CORO2B: variants seen among roughly 807,000 people sequenced by gnomAD.
CORO2B encodes coronin-2B.
CORO2B carries 26 observed loss-of-function variants against 58.8 expected under a neutral mutation model. The ratio of observed to expected loss-of-function variants is 0.44; its 90% confidence interval spans 0.32 to 0.61. The LOEUF is 0.61. Among genes scored for constraint, CORO2B ranks in the 20% least tolerant of loss-of-function variants. CORO2B has a pLI of 0.04. For missense variants in CORO2B, 460 were observed against 645.1 expected, an observed-to-expected ratio of 0.71 and a Z score of 3.11; for synonymous variants, 242 against 253.8, an observed-to-expected ratio of 0.95 and a Z score of 0.44.
intron 2 of CORO2B, among the ~76,000 whole-genome samples, chr15:68,686,912 A>AG (rs1234723209): frequency 6.6e-6 from 1 of 151,976 alleles, no homozygotes; most frequent in African/African-American, 2.4e-5. Flanking sequence ...AAAAAAAAAA[A>AG]GAAAATAAAA....
the CORO2B span, among the ~76,000 whole-genome samples, chr15:68,561,476 T>G: frequency 1.0e-4 from 15 of 150,574 alleles, no homozygotes; most frequent in Non-Finnish European, 1.6e-4. Flanking sequence ...TCCAGCTAAC[T>G]GGGGCCCAGC....
intron 2 of CORO2B, among the ~76,000 whole-genome samples, chr15:68,650,737 A>G (rs1253162317): frequency 2.6e-5 from 4 of 152,202 alleles, no homozygotes; most frequent in East Asian, 3.8e-4. Context: ...CCTTAGCTAT[A>G]TGATCTAAAT....
chr15:68,711,837 A>C, intron 5 of CORO2B, 131 bp downstream of exon 5: 1 of 1,069,042 alleles, frequency 9.4e-7, no homozygotes. Flanking sequence ...TCTGTTGAAC[A>C]ACCTTTCTCT....
chr15:68,570,939 A>G, the CORO2B span, among the ~76,000 whole-genome samples: 1 of 150,790 alleles, frequency 6.6e-6, no homozygotes, highest in Non-Finnish European at 1.5e-5. Context: ...GTGCCCAGCT[A>G]TGTTATTATT....
chr15:68,570,689 A>T, the CORO2B span, among the ~76,000 whole-genome samples: 2 of 152,068 alleles, frequency 1.3e-5, no homozygotes, highest in Admixed American at 1.3e-4. Flanking sequence ...ACTGAGGGGA[A>T]TAGTCAGTGT....
intron 1 of CORO2B, among the ~76,000 whole-genome samples, chr15:68,624,965 G>A (rs1900634757): frequency 6.6e-6 from 1 of 152,220 alleles, no homozygotes; most frequent in Non-Finnish European, 1.5e-5. Flanking sequence ...ACAGGCATGA[G>A]CCACTGCACC....
chr15:68,561,796 G>C, the CORO2B span, among the ~76,000 whole-genome samples: 3 of 152,064 alleles, frequency 2.0e-5, no homozygotes, highest in Admixed American at 6.5e-5. Flanking sequence ...GTTTCCGTGG[G>C]TCTGAGAGTA....
intron 3 of CORO2B, among the ~76,000 whole-genome samples, chr15:68,697,198 A>T (rs576235754): frequency 1.3e-3 from 198 of 151,760 alleles, no homozygotes; most frequent in Non-Finnish European, 2.6e-3. Flanking sequence ...TGTTGGATGG[A>T]TGGATGGATG....
intron 2 of CORO2B, among the ~76,000 whole-genome samples, chr15:68,665,598 A>G (rs543995230): frequency 1.3e-5 from 2 of 151,924 alleles, no homozygotes; most frequent in East Asian, 3.9e-4. Context: ...ATCCATGATC[A>G]TAGTTTACTT....
intron 3 of CORO2B, among the ~76,000 whole-genome samples, chr15:68,703,288 T>A (rs1440667610): frequency 6.7e-6 from 1 of 149,536 alleles, no homozygotes; most frequent in Non-Finnish European, 1.5e-5. Flanking sequence ...GTAGCTGGGA[T>A]TACAGGCACG....
At chr15:68,570,684 G>A in the CORO2B span, among the ~76,000 whole-genome samples, 173 of 152,322 alleles carry the variant, frequency 1.1e-3, no homozygotes, top group African/African-American at 3.4e-3. Flanking sequence ...GTTACACTGA[G>A]GGGAATAGTC....
At chr15:68,661,592 C>T (rs552290302) in intron 2 of CORO2B, among the ~76,000 whole-genome samples, 36 of 152,286 alleles carry the variant, frequency 2.4e-4, no homozygotes, top group African/African-American at 8.7e-4. Flanking sequence ...TACATTTGCA[C>T]AAAACAGTAG....
At chr15:68,655,152 G>A (rs1310679759) in intron 2 of CORO2B, among the ~76,000 whole-genome samples, 2 of 152,164 alleles carry the variant, frequency 1.3e-5, no homozygotes, top group Non-Finnish European at 2.9e-5. Flanking sequence ...ATGAGGGAAG[G>A]CATGTAAAGG....
At chr15:68,631,667 A>G (rs1251232031) in intron 1 of CORO2B, among the ~76,000 whole-genome samples, 2 of 152,298 alleles carry the variant, frequency 1.3e-5, no homozygotes. Context: ...AAGAGAACCA[A>G]CCAACCCTGA....
chr15:68,683,514 AC>A (rs1464520121), intron 2 of CORO2B, among the ~76,000 whole-genome samples: 1 of 152,180 alleles, frequency 6.6e-6, no homozygotes, highest in African/African-American at 2.4e-5. Flanking sequence ...CTGTCATGTA[AC>A]TTTTTTTTGC....
Position 68,696,286 on chromosome 15 carries a change from T to C in CORO2B, c.333+1030T>C, listed in dbSNP as rs146117826. Reference sequence around the variant, plus strand: ...AAAAGAGTTCGAGCATGGTGGCACATGCCTGTAATCCCAGCACTTCGGGAG... The same window carrying C: ...AAAAGAGTTCGAGCATGGTGGCACACGCCTGTAATCCCAGCACTTCGGGAG... On this transcript the variant is annotated intron_variant, in intron 3 of 11. Coordinates refer to ENST00000261861, the MANE Select transcript of CORO2B (RefSeq NM_006091.5). 8.9e-3 allele frequency among the ~76,000 whole-genome samples: 1,323 copies of C among 149,438 alleles called. 21 individuals carry two copies. The highest frequency in any genetic ancestry group is 0.031 in the African/African-American group (1,261 of 40,616).
chr15:68,668,350 C>T (rs1902265490), intron 2 of CORO2B, among the ~76,000 whole-genome samples: 1 of 152,086 alleles, frequency 6.6e-6, no homozygotes, highest in Non-Finnish European at 1.5e-5. Context: ...TCCCTGTTCT[C>T]AGGAGTTGTG....
chr15:68,659,260 T>A (rs1404353954), intron 2 of CORO2B, among the ~76,000 whole-genome samples: 2 of 152,220 alleles, frequency 1.3e-5, no homozygotes, highest in African/African-American at 4.8e-5. Context: ...CGCTGACCCC[T>A]GCACCATTGA....
chr15:68,656,599 C>G (rs187261961), intron 2 of CORO2B, among the ~76,000 whole-genome samples: 43 of 152,250 alleles, frequency 2.8e-4, no homozygotes, highest in African/African-American at 7.9e-4. Context: ...CTCCTTCCCC[C>G]ACCAAGAGAA....
Sources: allele counts gnomAD v4.1 joint callset (sites outside exome capture counted in the v4.1 genomes callset), GRCh38; gene constraint gnomAD v4.1.1; transcripts MANE v1.5; gene names NCBI Gene and HGNC (gene_info 2026-07-23, HGNC 2026-07-21).